CACNA1A: variants seen among roughly 807,000 people sequenced by gnomAD.
CACNA1A encodes the protein calcium voltage-gated channel subunit alpha1 A, also known as voltage-dependent P/Q-type calcium channel subunit alpha-1A.
In CACNA1A, 57 loss-of-function variants were observed where a neutral mutation model predicts 262.4. The ratio of observed to expected loss-of-function variants is 0.22; its 90% CI spans 0.18 to 0.27. The LOEUF is 0.27. CACNA1A is among the 10% of genes least tolerant of loss of function. The probability of loss-of-function intolerance (pLI) is 1.00; values close to 1 mark genes in which losing one functional copy is unlikely to be tolerated. For missense variants in CACNA1A, 2,526 were observed against 3,562.8 expected, an observed-to-expected ratio of 0.71 and a Z score of 7.41; for synonymous variants, 1,431 against 1,419.3, an observed-to-expected ratio of 1.01 and a Z score of -0.18.
chr19:13,329,151 T>C (rs1020670500), intron 10 of CACNA1A, among the ~76,000 whole-genome samples: 3 of 152,150 alleles, frequency 2.0e-5, no homozygotes, highest in African/African-American at 4.8e-5. Context: ...AATGAATCAA[T>C]AGGACAGAGG....
intron 8 of CACNA1A, chr19:13,334,136 G>T: frequency 2.0e-6 from 1 of 489,344 alleles, no homozygotes; most frequent in Non-Finnish European, 3.7e-6. Context: ...GGCAGGGCCG[G>T]GATGTAAACC....
At chr19:13,393,492 T>C (rs1375574814) in intron 3 of CACNA1A, among the ~76,000 whole-genome samples, 3 of 120,250 alleles carry the variant, frequency 2.5e-5, no homozygotes, top group Admixed American at 2.5e-4. Context: ...GCTGTTTTTT[T>C]TTCCTTCCTT....
At chr19:13,348,799 G>A (rs2058844281) in intron 6 of CACNA1A, among the ~76,000 whole-genome samples, 1 of 152,080 alleles carries the variant, frequency 6.6e-6, no homozygotes, top group Non-Finnish European at 1.5e-5. Context: ...TCACGCCACT[G>A]TACTCCAGCC....
intron 1 of CACNA1A, among the ~76,000 whole-genome samples, chr19:13,490,101 T>A (rs145256439): frequency 6.6e-6 from 1 of 152,078 alleles, no homozygotes; most frequent in African/African-American, 2.4e-5. Flanking sequence ...AGGAGGAAAT[T>A]AAGAGCTTGC....
intron 43 of CACNA1A, 83 bp from the exon 44 acceptor site, chr19:13,210,735 G>T: frequency 2.2e-6 from 3 of 1,339,726 alleles, no homozygotes; most frequent in South Asian, 1.3e-5. Flanking sequence ...AGAGTGAGGA[G>T]GTGGTGCATG....
Position 13,206,704 on chromosome 19 carries a change from T to TGCAG in CACNA1A, c.*605_*608dup. On this transcript the variant is annotated 3_prime_UTR_variant, in exon 47 of 47. Coordinates refer to ENST00000360228, the MANE Select transcript of CACNA1A (RefSeq NM_001127222.2). ...ATTATTATTTTTTTAAATTGATTTC[T>TGCAG]GCAGGCAGTAATAGTAGGGTTTGGT... 1 of 154,258 alleles carries TGCAG rather than the reference T, an allele frequency of 6.5e-6. No homozygotes were observed. The highest frequency in any genetic ancestry group is 5.2e-4 in the Middle Eastern group (1 of 1,924). The allele number at this position is 154,258 out of a possible 1,614,324, so 9.6% of individuals were successfully genotyped here.
At chr19:13,469,122 C>T (rs568455456) in intron 1 of CACNA1A, among the ~76,000 whole-genome samples, 1 of 152,286 alleles carries the variant, frequency 6.6e-6, no homozygotes, top group African/African-American at 2.4e-5. Context: ...CTTCCTTAAA[C>T]CAGCCAATGC....
intron 1 of CACNA1A, among the ~76,000 whole-genome samples, chr19:13,485,166 A>G (rs1979822883): frequency 6.6e-6 from 1 of 152,200 alleles, no homozygotes; most frequent in South Asian, 2.1e-4. Context: ...TTTTTAATAA[A>G]TGATGCTGGG....
chr19:13,265,003 T>C (rs2056828933), intron 24 of CACNA1A, among the ~76,000 whole-genome samples: 1 of 151,952 alleles, frequency 6.6e-6, no homozygotes, highest in Non-Finnish European at 1.5e-5. Context: ...GCCTCCCGAA[T>C]AGCTGGGACT....
intron 19 of CACNA1A, among the ~76,000 whole-genome samples, chr19:13,292,083 G>C (rs892110498): frequency 6.6e-6 from 1 of 152,206 alleles, no homozygotes. Context: ...GGTTGCAAGG[G>C]AGAGGCAGAA....
At chr19:13,482,182 A>G (rs1362303383) in intron 1 of CACNA1A, among the ~76,000 whole-genome samples, 1 of 152,154 alleles carries the variant, frequency 6.6e-6, no homozygotes, top group African/African-American at 2.4e-5. Flanking sequence ...GCTACCACCA[A>G]TAATAAGAAT....
intron 3 of CACNA1A, among the ~76,000 whole-genome samples, chr19:13,423,310 G>A (rs2060346967): frequency 6.6e-6 from 1 of 152,152 alleles, no homozygotes; most frequent in Non-Finnish European, 1.5e-5. Context: ...TTATGGCAGA[G>A]TGCGTGATGG....
intron 38 of CACNA1A, among the ~76,000 whole-genome samples, chr19:13,224,369 C>T (rs2055352686): frequency 6.6e-6 from 1 of 151,142 alleles, no homozygotes; most frequent in African/African-American, 2.4e-5. Flanking sequence ...TGCCTGTAGT[C>T]CCAGCTACTG....
chr19:13,391,608 G>C (rs888511290), intron 3 of CACNA1A, among the ~76,000 whole-genome samples: 2 of 152,114 alleles, frequency 1.3e-5, no homozygotes, highest in African/African-American at 4.8e-5. Flanking sequence ...AGTCAAGAAG[G>C]GGAAATTGCC....
At chr19:13,227,389 AAC>A in intron 37 of CACNA1A, 40 bp downstream of exon 37, 3 of 972,346 alleles carry the variant, frequency 3.1e-6, no homozygotes, top group Non-Finnish European at 4.7e-6. Flanking sequence ...AAGAAAAAAA[AAC>A]CCAGTGCCTG....
chr19:13,308,490 G>A lies in CACNA1A; in HGVS notation c.1707C>T (p.Val569=). The A allele has an allele frequency of 6.2e-7, 1 of 1,613,556 alleles. No individual in the cohort carries two copies. Among genetic ancestry groups the A allele is most frequent in the Non-Finnish European group, 8.5e-7 (1 of 1,179,678 alleles). ...TTCCAAAGGATGTGCCAGGTTTTAT[G>A]ACAGCCCAGATGACCTCGAAGATGC... ...IGSIFEVIWA[V]IKPGTSFGIS... is the part of the protein sequence containing the mutation. The change falls in exon 13 of 47, where the codon GTC becomes GTT. Residue 569 remains valine, a synonymous_variant. Coordinates refer to ENST00000360228, the MANE Select transcript of CACNA1A (RefSeq NM_001127222.2). The surrounding 1 kb of genome is among the most constrained non-coding windows in gnomAD (Gnocchi z 4.2).
At chr19:13,271,744 G>A (rs1388287706) in intron 24 of CACNA1A, 1 of 149,742 alleles carries the variant, frequency 6.7e-6, no homozygotes, top group African/African-American at 2.5e-5. Context: ...GAGGATGGAG[G>A]TGGGACAGTC....
rs16052 is a variant in CACNA1A, at chr19:13,208,877, G to A, written c.6659C>T (p.Pro2220Leu). The change falls in exon 46 of 47, where the codon CCC (proline) becomes CTC (leucine). Residue 2220 changes from proline (P) to leucine (L), a missense_variant. Around this residue, in one of 17 missense-constraint regions of CACNA1A, gnomAD observed 929 missense variants for 868.1 expected, o/e 1.07. Coordinates refer to ENST00000360228, the MANE Select transcript of CACNA1A (RefSeq NM_001127222.2). The part of the protein sequence containing the change: ...HHHHHHHHHH[P>L]PPPDKDRYAQ... ...ATAGCGGTCCTTGTCGGGGGGCGGG[G>A]GATGGTGGTGGTGGTGGTGGTGGTG... 6.2e-6 allele frequency: 9 copies of A among 1,459,922 alleles called. No individual in the cohort carries two copies. The highest frequency in any genetic ancestry group is 2.9e-5 in the African/African-American group (2 of 69,864). The allele number at this position is 1,459,922 out of a possible 1,614,324, so 90.4% of individuals were successfully genotyped here.
intron 21 of CACNA1A, 101 bp from the exon 22 acceptor site, chr19:13,283,497 A>C: frequency 1.4e-6 from 2 of 1,451,936 alleles, no homozygotes; most frequent in Non-Finnish European, 1.9e-6. Flanking sequence ...TGAGATCTCC[A>C]ACCCCCAAGG....
Sources: gnomAD v4.1 joint callset for allele counts (sites outside exome capture counted in the v4.1 genomes callset) on GRCh38, gnomAD v4.1.1 for gene constraint, gnomAD v4.1.1 regional missense constraint, Gnocchi (gnomAD v3.1) non-coding constraint, MANE v1.5 for transcripts, NCBI Gene and HGNC (gene_info 2026-07-23, HGNC 2026-07-21) for gene names.